ME3: variants seen among roughly 807,000 people sequenced by gnomAD.
ME3 encodes malic enzyme 3, also known as NADP-dependent malic enzyme, mitochondrial.
A neutral mutation model predicts 68.9 loss-of-function variants in ME3; 48 were observed. That is an observed-to-expected ratio of 0.70 (90% CI 0.55 to 0.89). The LOEUF (loss-of-function observed/expected upper bound fraction) is 0.89, where lower values mean the gene tolerates loss of function less well. Among genes scored for constraint, ME3 ranks in the 40% least tolerant of loss-of-function variants. The probability of loss-of-function intolerance (pLI) is 0.00; values close to 1 mark genes in which losing one functional copy is unlikely to be tolerated. For missense variants in ME3, 675 were observed against 797.4 expected, an observed-to-expected ratio of 0.85 and a Z score of 1.85; for synonymous variants, 320 against 318.8, an observed-to-expected ratio of 1.00 and a Z score of -0.04.
At chr11:86,507,590 AC>A (rs1953180004) in intron 5 of ME3, among the ~76,000 whole-genome samples, 1 of 152,134 alleles carries the variant, frequency 6.6e-6, no homozygotes, top group Non-Finnish European at 1.5e-5. Context: ...AGATACCAGA[AC>A]CCCTCAAACT....
At chr11:86,655,803 G>A (rs1945826134) in intron 2 of ME3, among the ~76,000 whole-genome samples, 1 of 151,806 alleles carries the variant, frequency 6.6e-6, no homozygotes. Context: ...CCATCAGAGT[G>A]AACAGGCAAC....
At chr11:86,631,857 T>C (rs1944039021) in intron 2 of ME3, among the ~76,000 whole-genome samples, 1 of 151,998 alleles carries the variant, frequency 6.6e-6, no homozygotes, top group African/African-American at 2.4e-5. Flanking sequence ...CTCAGCCTCC[T>C]GAATAGGAGG....
At chr11:86,650,120 A>T (rs1469995115) in intron 2 of ME3, among the ~76,000 whole-genome samples, 5 of 152,202 alleles carry the variant, frequency 3.3e-5, no homozygotes, top group Admixed American at 1.3e-4. Context: ...ATATAGACTA[A>T]TGGAACAGAA....
At chr11:86,512,350 A>G (rs968319052) in intron 4 of ME3, among the ~76,000 whole-genome samples, 1 of 152,220 alleles carries the variant, frequency 6.6e-6, no homozygotes, top group African/African-American at 2.4e-5. Flanking sequence ...TTGTGTGGCT[A>G]TTTGATTAAT....
intron 13 of ME3, among the ~76,000 whole-genome samples, chr11:86,445,274 A>C (rs6592295): frequency 0.78 from 119,388 of 152,128 alleles, 46,900 homozygotes; most frequent in South Asian, 0.86. Context: ...GGGCTGGGGG[A>C]AGCTGAAAAG....
At chr11:86,534,453 T>C (rs1053024188) in intron 4 of ME3, among the ~76,000 whole-genome samples, 2 of 152,136 alleles carry the variant, frequency 1.3e-5, no homozygotes, top group Non-Finnish European at 2.9e-5. Flanking sequence ...GGCTCACAGA[T>C]CACCTGAGGT....
intron 4 of ME3, among the ~76,000 whole-genome samples, chr11:86,539,679 A>T (rs1323075221): frequency 6.6e-6 from 1 of 152,156 alleles, no homozygotes; most frequent in African/African-American, 2.4e-5. Context: ...CCTCTCCTAT[A>T]GCTTGTTTCA....
intron 2 of ME3, among the ~76,000 whole-genome samples, chr11:86,598,938 A>C (rs1165383953): frequency 6.6e-6 from 1 of 152,240 alleles, no homozygotes. Flanking sequence ...ATCCACACCA[A>C]AACCCCATCT....
rs5793205 is a variant in ME3 at position 86,637,967 on chromosome 11, T to TACACACACACACACACAC, written c.183+33777_183+33794dup. ...ATATATGTGCAGACATGCTCATGCATACACACACACACACACACACACACA... is the reference window on the plus strand; with the variant it reads ...ATATATGTGCAGACATGCTCATGCATACACACACACACACACACACACACACACACACACACACACACA... On this transcript the variant is annotated intron_variant, in intron 2 of 14. Transcript: ENST00000543262. Among the ~76,000 whole-genome samples, 481 of 145,146 alleles carry TACACACACACACACACAC rather than the reference T, an allele frequency of 3.3e-3. 3 individuals are homozygous for TACACACACACACACACAC. The highest frequency in any genetic ancestry group is 0.012 in the African/African-American group (451 of 38,434).
chr11:86,445,631 C>A (rs1161650140), intron 13 of ME3, among the ~76,000 whole-genome samples: 1 of 152,198 alleles, frequency 6.6e-6, no homozygotes, highest in Non-Finnish European at 1.5e-5. Context: ...AAGTGCCTGG[C>A]ACTTGGTAAC....
chr11:86,463,100 G>T (rs1195546166), intron 8 of ME3, among the ~76,000 whole-genome samples: 1 of 152,196 alleles, frequency 6.6e-6, no homozygotes, highest in Admixed American at 6.5e-5. Context: ...TCATCTCAGA[G>T]GCACATTATC....
intron 2 of ME3, among the ~76,000 whole-genome samples, chr11:86,601,756 T>C (rs950495816): frequency 1.3e-5 from 2 of 151,932 alleles, no homozygotes; most frequent in African/African-American, 4.8e-5. Context: ...TTATCCACCA[T>C]GATCAAGTGG....
intron 2 of ME3, among the ~76,000 whole-genome samples, chr11:86,601,685 A>T (rs1960693027): frequency 6.6e-6 from 1 of 151,928 alleles, no homozygotes; most frequent in African/African-American, 2.4e-5. Context: ...CTTGATGAAC[A>T]TTGATGCAAA....
intron 2 of ME3, among the ~76,000 whole-genome samples, chr11:86,576,950 T>G (rs1355200974): frequency 6.6e-6 from 1 of 152,208 alleles, no homozygotes; most frequent in Non-Finnish European, 1.5e-5. Context: ...TTTACCTGAA[T>G]GTTAAGCTCA....
At chr11:86,529,363 T>C (rs1955023836) in intron 4 of ME3, among the ~76,000 whole-genome samples, 1 of 152,078 alleles carries the variant, frequency 6.6e-6, no homozygotes, top group Admixed American at 6.5e-5. Context: ...AGGCAATAAT[T>C]AATAGCTTAC....
intron 2 of ME3, among the ~76,000 whole-genome samples, chr11:86,586,864 G>A (rs577622746): frequency 6.6e-6 from 1 of 152,292 alleles, no homozygotes; most frequent in South Asian, 2.1e-4. Flanking sequence ...GTCACTCAGG[G>A]TAAGGGTAGG....
chr11:86,609,884 A>T (rs1292363677), intron 2 of ME3, among the ~76,000 whole-genome samples: 1 of 152,234 alleles, frequency 6.6e-6, no homozygotes, highest in Non-Finnish European at 1.5e-5. Flanking sequence ...GCAAAATTAT[A>T]TATAAATATA....
At chr11:86,494,328 C>T (rs1481660805) in intron 6 of ME3, among the ~76,000 whole-genome samples, 2 of 152,160 alleles carry the variant, frequency 1.3e-5, no homozygotes, top group Non-Finnish European at 2.9e-5. Flanking sequence ...AATGCAAACA[C>T]CTGACCCCTT....
intron 2 of ME3, among the ~76,000 whole-genome samples, chr11:86,630,215 T>C (rs973683271): frequency 6.6e-6 from 1 of 152,180 alleles, no homozygotes; most frequent in African/African-American, 2.4e-5. Flanking sequence ...GCTAAAGGTT[T>C]GAGTTACCTC....
Sources: allele counts gnomAD v4.1 joint callset (sites outside exome capture counted in the v4.1 genomes callset), GRCh38; gene constraint gnomAD v4.1.1; transcripts MANE v1.5; gene names NCBI Gene and HGNC (gene_info 2026-07-23, HGNC 2026-07-21).